The following SLC4A4 variants were observed in gnomAD, a reference collection of about 807,000 sequenced individuals.
The protein encoded by SLC4A4 is electrogenic sodium bicarbonate cotransporter 1.
Under a neutral mutation model 111.5 loss-of-function variants are expected in SLC4A4, and 27 were observed. The ratio of observed to expected loss-of-function variants is 0.24; its 90% CI spans 0.18 to 0.33. The LOEUF (loss-of-function observed/expected upper bound fraction) is 0.33. Among genes scored for constraint, SLC4A4 ranks in the 10% least tolerant of loss-of-function variants. The probability of loss-of-function intolerance (pLI) is 1.00; values close to 1 mark genes in which losing one functional copy is unlikely to be tolerated. For missense variants in SLC4A4, 909 were observed against 1,315.5 expected (o/e 0.69, Z 4.78); for synonymous variants, 443 against 463.4 (o/e 0.96, Z 0.57).
At chr4:71,089,972 T>G (rs12642257) in intron 1 of SLC4A4, among the ~76,000 whole-genome samples, 3 of 124,308 alleles carry the variant, frequency 2.4e-5, no homozygotes, top group Non-Finnish European at 5.4e-5. Flanking sequence ...GCCTTTTGTT[T>G]GGCTATGCCC....
Position 71,411,676 on chromosome 4 carries a change from T to C in SLC4A4, c.807+14023T>C, listed in dbSNP as rs955560926. 4.1e-4 allele frequency among the ~76,000 whole-genome samples: 63 copies of C among 152,236 alleles called. 1 individual carries two copies. Among genetic ancestry groups the C allele is most frequent in the Admixed American group, 3.3e-4 (5 of 15,284 alleles). On this transcript the variant is annotated intron_variant, in intron 7 of 25. Transcript: ENST00000264485. ...GTGACAGATACTGTATGTTTGCTCA[T>C]AAAGCCTAAAGTATTTAGTGTTTGG...
At chr4:71,161,005 C>T (rs1744604608) in intron 2 of SLC4A4, among the ~76,000 whole-genome samples, 2 of 152,084 alleles carry the variant, frequency 1.3e-5, no homozygotes, top group Middle Eastern at 3.2e-3. Context: ...TGCAAATAAA[C>T]CGTATTTTCA....
At chr4:71,406,716 T>C (rs1424546210) in intron 7 of SLC4A4, among the ~76,000 whole-genome samples, 1 of 151,348 alleles carries the variant, frequency 6.6e-6, no homozygotes, top group Non-Finnish European at 1.5e-5. Context: ...AAGCCAGTGG[T>C]TAATCATGCC....
At chr4:71,472,555 T>G in intron 13 of SLC4A4, 144 bp from the exon 14 acceptor site, 2 of 797,956 alleles carry the variant, frequency 2.5e-6, no homozygotes. Context: ...ACTTAGTGCT[T>G]TCTGGCTAAA....
chr4:71,217,965 T>C (rs891144468), intron 1 of SLC4A4, among the ~76,000 whole-genome samples: 2 of 152,198 alleles, frequency 1.3e-5, no homozygotes, highest in African/African-American at 4.8e-5. Flanking sequence ...TTAAAACAAA[T>C]GGAGAGTGTA....
intron 2 of SLC4A4, among the ~76,000 whole-genome samples, chr4:71,103,451 A>G (rs1187719569): frequency 6.6e-6 from 1 of 152,200 alleles, no homozygotes; most frequent in Non-Finnish European, 1.5e-5. Context: ...TCTCCACCCC[A>G]AATCAGCAGA....
intron 2 of SLC4A4, among the ~76,000 whole-genome samples, chr4:71,155,139 C>T (rs186434480): frequency 3.2e-4 from 48 of 151,820 alleles, no homozygotes; most frequent in South Asian, 1.7e-3. Flanking sequence ...GTGGGTCTAA[C>T]GTTGAAAAAG....
chr4:71,378,185 C>T (rs1280502388), intron 6 of SLC4A4, among the ~76,000 whole-genome samples: 1 of 152,294 alleles, frequency 6.6e-6, no homozygotes. Flanking sequence ...CATGTGTCCA[C>T]ATCTCACTTT....
chr4:71,074,379 C>A (rs1006861679), intron 1 of SLC4A4, among the ~76,000 whole-genome samples: 3 of 152,092 alleles, frequency 2.0e-5, no homozygotes, highest in African/African-American at 7.2e-5. Flanking sequence ...CAGAAATGAC[C>A]ATTAAAGTAT....
At chr4:71,187,087 C>CCT (rs1329282724), upstream of SLC4A4, 2 of 152,290 alleles carry the variant, frequency 1.3e-5, no homozygotes, top group East Asian at 3.9e-4. Context: ...CCCGCGCTCG[C>CCT]CTCTCTCCGG....
At position 71,204,075 on chromosome 4, in the gene SLC4A4, G is replaced by A. The variant is rs1645522775; in HGVS notation, c.-2+16674G>A. 2.0e-5 allele frequency among the ~76,000 whole-genome samples: 3 copies of A among 152,280 alleles called. No individual in the cohort carries two copies. In the South Asian group the frequency reaches 6.2e-4, roughly 32 times the overall value. The stretch of plus-strand genomic sequence containing the variant: ...AGGTCACTCAAAGGTTTATCAAAAG[G>A]AGAGGAAGATTCCATGCGGTGTTGG... On this transcript the variant is annotated intron_variant, in intron 1 of 25. Coordinates refer to ENST00000264485, the MANE Select transcript of SLC4A4 (RefSeq NM_001098484.3).
chr4:71,538,874 A>G (rs534096332), intron 18 of SLC4A4, among the ~76,000 whole-genome samples: 1 of 152,080 alleles, frequency 6.6e-6, no homozygotes, highest in Non-Finnish European at 1.5e-5. Flanking sequence ...AGCCAGGGTC[A>G]GCAAGGTCAT....
chr4:71,311,949 C>T lies in SLC4A4; in HGVS notation c.254-27421C>T, dbSNP rs527329664. On this transcript the variant is annotated intron_variant, in intron 3 of 25. Coordinates refer to ENST00000264485, the MANE Select transcript of SLC4A4 (RefSeq NM_001098484.3). The stretch of plus-strand genomic sequence containing the variant: ...AGAGAGAGAGAAGGAGATAGAGACA[C>T]GAAAAACCCTTCAAAAAATCAATGA... 3.8e-3 allele frequency among the ~76,000 whole-genome samples: 389 copies of T among 102,384 alleles called. 9 individuals carry two copies. Among genetic ancestry groups the T allele is most frequent in the Admixed American group, 0.027 (297 of 10,892 alleles). 67.2% of individuals were successfully genotyped at this position (102,384 alleles called of 152,430 possible).
At chr4:71,560,867 C>A (rs923723784) in intron 23 of SLC4A4, among the ~76,000 whole-genome samples, 23 of 151,708 alleles carry the variant, frequency 1.5e-4, no homozygotes, top group African/African-American at 5.1e-4. Flanking sequence ...TCCAGAGGGT[C>A]CTCCTCCAAT....
At chr4:71,439,468 A>AAAAAAG (rs1560509648) in intron 7 of SLC4A4, among the ~76,000 whole-genome samples, 2 of 138,426 alleles carry the variant, frequency 1.4e-5, no homozygotes, top group Non-Finnish European at 3.2e-5. Flanking sequence ...AAAAAAAAAA[A>AAAAAAG]AAAGAAAAGA....
chr4:71,084,102 A>G (rs186121587), intron 1 of SLC4A4, among the ~76,000 whole-genome samples: 2 of 151,938 alleles, frequency 1.3e-5, no homozygotes, highest in Non-Finnish European at 2.9e-5. Flanking sequence ...CCATGAGCTT[A>G]TATGGAAGAC....
chr4:71,327,984 A>G (rs955781441), intron 3 of SLC4A4, among the ~76,000 whole-genome samples: 3 of 151,888 alleles, frequency 2.0e-5, no homozygotes, highest in African/African-American at 4.8e-5. Context: ...TGCTCCCACC[A>G]ACTACCCTTT....
intron 6 of SLC4A4, among the ~76,000 whole-genome samples, chr4:71,386,626 G>A (rs181464825): frequency 6.6e-6 from 1 of 151,752 alleles, no homozygotes; most frequent in Non-Finnish European, 1.5e-5. Flanking sequence ...ATACATATAG[G>A]TTTTAAGGTA....
At chr4:71,157,170 A>C (rs1744500409) in intron 2 of SLC4A4, among the ~76,000 whole-genome samples, 1 of 152,184 alleles carries the variant, frequency 6.6e-6, no homozygotes, top group Admixed American at 6.5e-5. Context: ...TATCTGTAAG[A>C]ATTCTTGAGG....
Sources: gnomAD v4.1 joint callset for allele counts (sites outside exome capture counted in the v4.1 genomes callset) on GRCh38, gnomAD v4.1.1 for gene constraint, MANE v1.5 for transcripts, NCBI Gene and HGNC (gene_info 2026-07-23, HGNC 2026-07-21) for gene names.